GABBR2: variants seen among roughly 807,000 people sequenced by gnomAD.
GABBR2 encodes G-protein coupled receptor 51.
In GABBR2, 23 loss-of-function variants were observed where a neutral mutation model predicts 105.6. That is an observed-to-expected ratio of 0.22 (90% CI 0.16 to 0.31). GABBR2 has a LOEUF of 0.31. GABBR2 is among the 10% of genes least tolerant of loss of function. The pLI is 1.00. For missense variants in GABBR2, 734 were observed against 1,245.5 expected (o/e 0.59, Z 6.18); for synonymous variants, 478 against 499.7 (o/e 0.96, Z 0.58).
chr9:98,619,536 T>C (rs1436644354), intron 1 of GABBR2, among the ~76,000 whole-genome samples: 1 of 152,246 alleles, frequency 6.6e-6, no homozygotes, highest in East Asian at 1.9e-4. Flanking sequence ...TGATATTTCA[T>C]CGGAATCCAA....
At chr9:98,697,699 G>C (rs970941791) in intron 1 of GABBR2, among the ~76,000 whole-genome samples, 3 of 152,198 alleles carry the variant, frequency 2.0e-5, no homozygotes, top group Middle Eastern at 3.2e-3. Context: ...ACATTTAGAA[G>C]CTCTCCAAGG....
At chr9:98,436,880 C>T (rs1825936260) in intron 7 of GABBR2, among the ~76,000 whole-genome samples, 1 of 152,120 alleles carries the variant, frequency 6.6e-6, no homozygotes, top group African/African-American at 2.4e-5. Context: ...TGAAACATCT[C>T]TAGGCTAAAT....
At chr9:98,304,927 A>AGC (rs1830527731) in intron 15 of GABBR2, among the ~76,000 whole-genome samples, 1 of 97,852 alleles carries the variant, frequency 1.0e-5, no homozygotes, top group African/African-American at 4.2e-5. Flanking sequence ...GTGTACCACC[A>AGC]CACCTGGCTT....
chr9:98,423,598 A>T (rs1024573582), intron 7 of GABBR2, among the ~76,000 whole-genome samples: 21 of 152,208 alleles, frequency 1.4e-4, no homozygotes, highest in Admixed American at 1.1e-3. Flanking sequence ...GTGCAGAAGC[A>T]CTTTAGTTTA....
intron 1 of GABBR2, among the ~76,000 whole-genome samples, chr9:98,683,865 G>A (rs2131872107): frequency 6.6e-6 from 1 of 151,818 alleles, no homozygotes; most frequent in African/African-American, 2.4e-5. Context: ...AAAATTAGCC[G>A]GGCGTGGTGG....
chr9:98,560,107 G>C (rs1828646532), intron 2 of GABBR2, among the ~76,000 whole-genome samples: 1 of 152,028 alleles, frequency 6.6e-6, no homozygotes, highest in Non-Finnish European at 1.5e-5. Context: ...AATGGAGAGA[G>C]CTTAGATTGG....
intron 7 of GABBR2, among the ~76,000 whole-genome samples, chr9:98,431,731 T>TATCA (rs1459571770): frequency 6.6e-6 from 1 of 152,080 alleles, no homozygotes; most frequent in African/African-American, 2.4e-5. Context: ...AGTCTCACTC[T>TATCA]ATCACCCAGG....
chr9:98,296,497 C>A (rs551889299), intron 17 of GABBR2, among the ~76,000 whole-genome samples: 4 of 152,334 alleles, frequency 2.6e-5, no homozygotes, highest in South Asian at 2.1e-4. Flanking sequence ...TTTCAACCAG[C>A]AGCATTTGAG....
chr9:98,578,835 T>C (rs1828958866), intron 1 of GABBR2, among the ~76,000 whole-genome samples: 1 of 152,230 alleles, frequency 6.6e-6, no homozygotes, highest in South Asian at 2.1e-4. Context: ...GAGGACATTA[T>C]GCTAAATAGA....
intron 1 of GABBR2, among the ~76,000 whole-genome samples, chr9:98,628,841 G>T (rs1025926687): frequency 6.6e-6 from 1 of 152,136 alleles, no homozygotes; most frequent in African/African-American, 2.4e-5. Flanking sequence ...GCTTCCTCCC[G>T]TGAAGCTGAA....
At chr9:98,301,804 G>A (rs1233564676) in intron 16 of GABBR2, among the ~76,000 whole-genome samples, 4 of 152,208 alleles carry the variant, frequency 2.6e-5, no homozygotes, top group Non-Finnish European at 5.9e-5. Context: ...AACAGAGCCT[G>A]TAATGGGCTT....
chr9:98,297,925 G>C (rs909406368), intron 17 of GABBR2, among the ~76,000 whole-genome samples: 11 of 151,232 alleles, frequency 7.3e-5, no homozygotes, highest in African/African-American at 2.7e-4. Context: ...TAAGGAGGCT[G>C]AGGTAGGAGA....
At chr9:98,628,549 A>G (rs918812538) in intron 1 of GABBR2, among the ~76,000 whole-genome samples, 17 of 152,078 alleles carry the variant, frequency 1.1e-4, no homozygotes, top group African/African-American at 3.6e-4. Context: ...TTTCTCTTTT[A>G]TATAAAAAGT....
At chr9:98,562,073 A>G (rs1828680414) in intron 2 of GABBR2, among the ~76,000 whole-genome samples, 1 of 152,162 alleles carries the variant, frequency 6.6e-6, no homozygotes, top group African/African-American at 2.4e-5. Context: ...TATTTACAAT[A>G]AATTTGGAAG....
chr9:98,554,645 A>G (rs1163942257), intron 2 of GABBR2, among the ~76,000 whole-genome samples: 1 of 152,228 alleles, frequency 6.6e-6, no homozygotes, highest in African/African-American at 2.4e-5. Flanking sequence ...TTTAAGAGAC[A>G]GCATTTATTT....
chr9:98,290,873 C>G, intron 18 of GABBR2, 124 bp from the exon 19 acceptor site: 1 of 545,720 alleles, frequency 1.8e-6, no homozygotes, highest in Non-Finnish European at 3.0e-6. Flanking sequence ...AATCCAAGAT[C>G]TGTCCATCCA....
At chr9:98,332,603 A>C (rs2131393181) in intron 13 of GABBR2, among the ~76,000 whole-genome samples, 1 of 152,344 alleles carries the variant, frequency 6.6e-6, no homozygotes, top group Middle Eastern at 3.4e-3. Context: ...GTTCCTCCAA[A>C]GCACACAGTG....
chr9:98,361,983 C>G (rs560777231), intron 13 of GABBR2, among the ~76,000 whole-genome samples: 1 of 152,328 alleles, frequency 6.6e-6, no homozygotes, highest in Non-Finnish European at 1.5e-5. Context: ...CACAAAAGAT[C>G]TCTCTAACAA....
rs577210995 is a variant in GABBR2, at chr9:98,295,998, C to T, written c.2543-2096G>A. Reference sequence around the variant, plus strand: ...GTTGATGGAGGCTTTACAGAAAGAACATAACTACCGCTACGGTGAATCAGC... The same window carrying T: ...GTTGATGGAGGCTTTACAGAAAGAATATAACTACCGCTACGGTGAATCAGC... On this transcript the variant is annotated intron_variant, in intron 17 of 18. Coordinates refer to ENST00000259455, the MANE Select transcript of GABBR2 (RefSeq NM_005458.8). Among the ~76,000 whole-genome samples the T allele has an allele frequency of 1.6e-3, 250 of 152,332 alleles. 1 individual carries two copies. The highest frequency in any genetic ancestry group is 2.7e-3 in the Admixed American group (41 of 15,306).
Sources: allele counts gnomAD v4.1 joint callset (sites outside exome capture counted in the v4.1 genomes callset), GRCh38; gene constraint gnomAD v4.1.1; transcripts MANE v1.5; gene names NCBI Gene and HGNC (gene_info 2026-07-23, HGNC 2026-07-21).